Variants in FUT9 observed in about 807,000 individuals in gnomAD.
FUT9 encodes the protein fucosyltransferase 9.
In FUT9, 15 loss-of-function variants were observed where a neutral mutation model predicts 29.7. The ratio of observed to expected loss-of-function variants is 0.51; its 90% CI spans 0.34 to 0.78. FUT9 has a LOEUF of 0.78. Among genes scored for constraint, FUT9 ranks in the 30% least tolerant of loss-of-function variants. The pLI is 0.01. For synonymous variants in FUT9, 169 were observed against 153.7 expected (o/e 1.10, Z -0.74); for missense variants, 319 against 425.4 (o/e 0.75, Z 2.20).
chr6:96,023,766 A>G (rs1043607083), intron 1 of FUT9, among the ~76,000 whole-genome samples: 13 of 151,920 alleles, frequency 8.6e-5, no homozygotes, highest in Non-Finnish European at 1.6e-4. Flanking sequence ...CTGGTCATAC[A>G]GTGCTGTTGT....
intron 1 of FUT9, among the ~76,000 whole-genome samples, chr6:96,039,607 C>A (rs974394129): frequency 1.3e-5 from 2 of 152,110 alleles, no homozygotes; most frequent in Non-Finnish European, 2.9e-5. Context: ...AGCATTACCT[C>A]CTCCTCACAG....
At chr6:96,087,306 G>C (rs1771332290) in intron 1 of FUT9, among the ~76,000 whole-genome samples, 1 of 151,076 alleles carries the variant, frequency 6.6e-6, no homozygotes, top group African/African-American at 2.4e-5. Context: ...AAGTAACATA[G>C]CACTCTACAT....
rs1205716485 is a variant in FUT9, at chr6:96,213,977, C to T, written c.*9742C>T. On this transcript the variant is annotated 3_prime_UTR_variant, in exon 3 of 3. Coordinates refer to ENST00000302103, the MANE Select transcript of FUT9 (RefSeq NM_006581.4). The stretch of plus-strand genomic sequence containing the variant: ...CTCACACACAGGCTCTGTCTCAATC[C>T]GTATGCATGATTCACGTCCTTTCAA... 1.2e-5 allele frequency: 2 copies of T among 166,884 alleles called. No homozygotes were observed. The highest frequency in any genetic ancestry group is 2.9e-5 in the Non-Finnish European group (2 of 68,036). The allele number at this position is 166,884 out of a possible 1,614,324, so 10.3% of individuals were successfully genotyped here. A position where few individuals can be genotyped will look rare whatever the true frequency, so the allele number is the denominator to read the frequency against.
intron 1 of FUT9, among the ~76,000 whole-genome samples, chr6:96,031,068 A>C (rs1350833240): frequency 6.6e-6 from 1 of 151,450 alleles, no homozygotes; most frequent in African/African-American, 2.4e-5. Flanking sequence ...AAGATTAATA[A>C]TCTGTTTGCA....
intron 1 of FUT9, among the ~76,000 whole-genome samples, chr6:96,062,260 A>G (rs1770888713): frequency 6.6e-6 from 1 of 152,082 alleles, no homozygotes; most frequent in Non-Finnish European, 1.5e-5. Flanking sequence ...AATAGAAATC[A>G]AAATAGTAAT....
rs139257317 is a variant in FUT9 at position 96,071,455 on chromosome 6, A to T, written c.-97-42584A>T. ...TTTACACATTTGCCCAGATATAATAACTATTAATTTTCTGCCTCTATTATT... is the reference window on the plus strand; with the variant it reads ...TTTACACATTTGCCCAGATATAATATCTATTAATTTTCTGCCTCTATTATT... On this transcript the variant is annotated intron_variant, in intron 1 of 2. Transcript: ENST00000302103. 9.1e-4 allele frequency among the ~76,000 whole-genome samples: 138 copies of T among 152,300 alleles called. 1 individual carries two copies. The highest frequency in any genetic ancestry group is 1.1e-3 in the Non-Finnish European group (76 of 68,014).
chr6:96,041,245 A>G (rs1265956589), intron 1 of FUT9, among the ~76,000 whole-genome samples: 2 of 151,972 alleles, frequency 1.3e-5, no homozygotes, highest in East Asian at 3.9e-4. Context: ...GATACACAAT[A>G]AAATATTTTA....
chr6:96,132,173 T>C (rs1202747913), intron 2 of FUT9, among the ~76,000 whole-genome samples: 2 of 151,116 alleles, frequency 1.3e-5, no homozygotes, highest in African/African-American at 4.8e-5. Flanking sequence ...CATTTGTTTT[T>C]GATATTATTT....
intron 2 of FUT9, among the ~76,000 whole-genome samples, chr6:96,118,482 T>C (rs1215436001): frequency 6.6e-6 from 1 of 152,202 alleles, no homozygotes; most frequent in Non-Finnish European, 1.5e-5. Context: ...AACTCACATG[T>C]TTGTGATGAT....
At chr6:96,023,003 A>T (rs1158033832) in intron 1 of FUT9, among the ~76,000 whole-genome samples, 1 of 151,904 alleles carries the variant, frequency 6.6e-6, no homozygotes, top group Non-Finnish European at 1.5e-5. Flanking sequence ...CTCACAGGTT[A>T]ATTAGGGATG....
chr6:96,179,010 C>T (rs999730268), intron 2 of FUT9, among the ~76,000 whole-genome samples: 19 of 151,896 alleles, frequency 1.3e-4, no homozygotes, highest in Admixed American at 5.3e-4. Context: ...TTTGGGATTT[C>T]GAAAGAATCT....
chr6:96,172,246 G>A (rs1184788254), intron 2 of FUT9, among the ~76,000 whole-genome samples: 1 of 152,064 alleles, frequency 6.6e-6, no homozygotes, highest in Non-Finnish European at 1.5e-5. Flanking sequence ...AAAACACTGG[G>A]GGTCAGGATT....
chr6:96,053,818 T>C (rs1216088602), intron 1 of FUT9, among the ~76,000 whole-genome samples: 2 of 152,176 alleles, frequency 1.3e-5, no homozygotes, highest in Non-Finnish European at 2.9e-5. Flanking sequence ...AAGGTTCTTA[T>C]GGAAAGCTAT....
intron 1 of FUT9, among the ~76,000 whole-genome samples, chr6:96,108,514 C>T (rs1371223446): frequency 1.3e-5 from 2 of 152,100 alleles, no homozygotes; most frequent in Non-Finnish European, 2.9e-5. Flanking sequence ...ATATAGTGAA[C>T]ACTCTTTTAT....
chr6:96,039,152 T>C lies in FUT9; in HGVS notation c.-98+22940T>C, dbSNP rs986298956. 3.3e-5 allele frequency among the ~76,000 whole-genome samples: 5 copies of C among 152,150 alleles called. No individual in the cohort carries two copies. The South Asian group carries it at 1.0e-3, about 31-fold the overall frequency. On this transcript the variant is annotated intron_variant, in intron 1 of 2. Coordinates refer to ENST00000302103, the MANE Select transcript of FUT9 (RefSeq NM_006581.4). ...ATCACTAAGCTTAGTGATGGGCACA[T>C]AATTTACGCTCAGCAGATGTTTATT...
At chr6:96,112,682 G>C (rs1036384740) in intron 1 of FUT9, among the ~76,000 whole-genome samples, 2 of 152,164 alleles carry the variant, frequency 1.3e-5, no homozygotes, top group Admixed American at 6.5e-5. Context: ...GTGTGCATGG[G>C]TGTATGTAAT....
intron 1 of FUT9, among the ~76,000 whole-genome samples, chr6:96,098,066 C>A (rs1416685478): frequency 6.6e-6 from 1 of 151,542 alleles, no homozygotes; most frequent in Non-Finnish European, 1.5e-5. Context: ...TTGCCTATTC[C>A]CAGCATGTGT....
intron 1 of FUT9, among the ~76,000 whole-genome samples, chr6:96,069,694 C>T (rs138954316): frequency 1.3e-5 from 2 of 151,394 alleles, no homozygotes; most frequent in African/African-American, 4.8e-5. Context: ...TGCAGTGGTG[C>T]GATCTTGGCT....
chr6:96,058,621 T>C (rs999610031), intron 1 of FUT9, among the ~76,000 whole-genome samples: 3 of 152,168 alleles, frequency 2.0e-5, no homozygotes, highest in African/African-American at 7.2e-5. Context: ...AAACGAATGT[T>C]TGAAGAACCA....
Sources: allele counts gnomAD v4.1 joint callset (sites outside exome capture counted in the v4.1 genomes callset), GRCh38; gene constraint gnomAD v4.1.1; transcripts MANE v1.5; gene names NCBI Gene and HGNC (gene_info 2026-07-23, HGNC 2026-07-21).